ADAM8: variants seen among roughly 807,000 people sequenced by gnomAD.
ADAM8 encodes disintegrin and metalloproteinase domain-containing protein 8.
In ADAM8, 104 loss-of-function variants were observed where a neutral mutation model predicts 102.4. The ratio of observed to expected loss-of-function variants is 1.02; its 90% CI spans 0.87 to 1.20. ADAM8 has a LOEUF of 1.20. Ranked by LOEUF, ADAM8 falls within the 50% of genes most tolerant of loss-of-function variation. The pLI, the probability that ADAM8 is intolerant of heterozygous loss-of-function variation, is 0.00. For synonymous variants in ADAM8, 517 were observed against 485.2 expected (o/e 1.07, Z -0.86); for missense variants, 1,132 against 1,159.0 (o/e 0.98, Z 0.34).
At position 133,271,706 on chromosome 10, in the gene ADAM8, C is replaced by T. The variant is rs1175332544; in HGVS notation, c.1107-1G>A. On this transcript the variant is annotated splice_acceptor_variant, in intron 11 of 22. Transcript: ENST00000445355. LOFTEE classifies it high-confidence loss of function. Reference sequence around the variant, plus strand: ...ACTGAACATCCTGGGGAAACTGGAGCTGGGGAGGCGGGGCAGCATTGGGGG... The same window carrying T: ...ACTGAACATCCTGGGGAAACTGGAGTTGGGGAGGCGGGGCAGCATTGGGGG... The T allele has an allele frequency of 1.3e-6, 2 of 1,579,468 alleles. No homozygotes were observed. Among genetic ancestry groups the T allele is most frequent in the East Asian group, 4.7e-5 (2 of 42,906 alleles).
intron 21 of ADAM8, among the ~76,000 whole-genome samples, chr10:133,266,153 G>T (rs1846316052): frequency 6.6e-6 from 1 of 152,088 alleles, no homozygotes; most frequent in Non-Finnish European, 1.5e-5. Flanking sequence ...GAGGGACTCT[G>T]AAAACACTGC....
In ADAM8 at chr10:133,274,155, T is replaced by C. The variant is rs368864021; in HGVS notation, c.227+4A>G. On this transcript the variant is annotated splice_donor_region_variant and intron_variant, in intron 3 of 22. Coordinates refer to ENST00000445355, the MANE Select transcript of ADAM8 (RefSeq NM_001109.5). ...GCAGGGGGGCCGACCCGAGACCCAC[T>C]CACCTGTTCTTCCGCAGGTGGAGGG... is the stretch of plus-strand genomic sequence containing the variant. The C allele has an allele frequency of 1.3e-6, 2 of 1,583,752 alleles. No individual in the cohort carries two copies.
chr10:133,265,814 G>A (rs1462765717), intron 21 of ADAM8, among the ~76,000 whole-genome samples: 1 of 151,944 alleles, frequency 6.6e-6, no homozygotes, highest in Non-Finnish European at 1.5e-5. Context: ...AAAAAAGAGA[G>A]AAAATCACTA....
At chr10:133,274,831 G>A in intron 2 of ADAM8, 1 of 433,380 alleles carries the variant, frequency 2.3e-6, no homozygotes, top group East Asian at 8.1e-5. Context: ...CTGGACCACT[G>A]CATCTCCAGC....
In ADAM8 at chr10:133,273,006, G is replaced by A. The variant is rs748528621; in HGVS notation, c.587C>T (p.Ser196Phe). 1.2e-6 allele frequency: 2 copies of A among 1,612,818 alleles called. No individual in the cohort carries two copies. Among genetic ancestry groups the A allele is most frequent in the South Asian group, 2.2e-5 (2 of 91,086 alleles). The part of the protein sequence containing the change: ...FRPRPGDSLP[S>F]RETRYVELYV... Reference sequence around the variant, plus strand: ...CAGCTCCACGTAGCGGGTCTCTCGGGATGGCAGAGAGTCCTGGGGAACAGC... The same window carrying A: ...CAGCTCCACGTAGCGGGTCTCTCGGAATGGCAGAGAGTCCTGGGGAACAGC... The change falls in exon 7 of 23, where the codon TCC becomes TTC. Residue 196 changes from serine (S) to phenylalanine (F), a missense_variant. Coordinates refer to ENST00000445355, the MANE Select transcript of ADAM8 (RefSeq NM_001109.5).
At chr10:133,272,336 C>T (rs1846561302) in intron 9 of ADAM8, 62 bp from the exon 10 acceptor site, 3 of 1,429,166 alleles carry the variant, frequency 2.1e-6, no homozygotes, top group South Asian at 1.4e-5. Context: ...CCTCCCACCC[C>T]AGCCCTGCTC....
Position 133,274,127 on chromosome 10 carries a change from C to A in ADAM8, c.227+32G>T, listed in dbSNP as rs369431777. On this transcript the variant is annotated intron_variant, in intron 3 of 22. Coordinates refer to ENST00000445355, the MANE Select transcript of ADAM8 (RefSeq NM_001109.5). ...GACACCAGTGTGCTGGAGCCAGGCC[C>A]GGGCAGGGGGGCCGACCCGAGACCC... 7.0e-6 allele frequency: 11 copies of A among 1,582,160 alleles called. No homozygotes were observed. The Middle Eastern group carries it at 6.8e-4, about 97-fold the overall frequency.
intron 21 of ADAM8, chr10:133,264,004 A>C: frequency 2.8e-6 from 1 of 361,452 alleles, no homozygotes; most frequent in Non-Finnish European, 4.9e-6. Context: ...CCAGTACACC[A>C]TCCACATCCC....
Position 133,272,556 on chromosome 10 carries a change from G to A in ADAM8, c.735C>T (p.Val245=), listed in dbSNP as rs1219120271. ...KLYQKLNFRV[V]LVGLEIWNSQ... is the part of the protein sequence containing the mutation. ...TATTCCAAATCTCCAGGCCCACCAG[G>A]ACCACACGGAAGTTGAGTTTCTGAT... Residue 245 remains valine, a synonymous_variant, in exon 9 of 23, where the codon GTC becomes GTT. Transcript: ENST00000445355. The A allele has an allele frequency of 6.2e-7, 1 of 1,611,564 alleles. No individual in the cohort carries two copies. The highest frequency in any genetic ancestry group is 8.5e-7 in the Non-Finnish European group (1 of 1,179,608).
At chr10:133,267,248 C>A (rs538697086) in intron 21 of ADAM8, 104 bp downstream of exon 21, 130 of 1,287,906 alleles carry the variant, frequency 1.0e-4, no homozygotes, top group Non-Finnish European at 1.3e-4. Context: ...ACAGCAGGGG[C>A]CACCTGGGGA....
Position 133,272,830 on chromosome 10 carries a change from G to A in ADAM8, c.673C>T (p.Arg225Trp), listed in dbSNP as rs1237124330. 7 of 1,610,890 alleles carry A rather than the reference G, an allele frequency of 4.3e-6. No individual in the cohort carries two copies. Among genetic ancestry groups the A allele is most frequent in the African/African-American group, 2.7e-5 (2 of 74,618 alleles). The change falls in exon 8 of 23, where the codon CGG (arginine) becomes TGG (tryptophan). Residue 225 changes from arginine to tryptophan, a missense_variant. Transcript: ENST00000445355. The part of the protein sequence containing the change: ...MLGSEAAVRH[R>W]VLEVVNHVDK... ...ACGTGATTCACCACCTCCAGCACCC[G>A]ATGACGCACGGCTGCTTCGCTCCCC...
At chr10:133,267,150 A>G (rs1204550133) in intron 21 of ADAM8, among the ~76,000 whole-genome samples, 3 of 152,170 alleles carry the variant, frequency 2.0e-5, no homozygotes, top group African/African-American at 7.2e-5. Context: ...AACGCAGGGC[A>G]GGACTGAGCT....
chr10:133,272,495 C>T lies in ADAM8; in HGVS notation c.796G>A (p.Val266Ile). The T allele has an allele frequency of 6.2e-7, 1 of 1,612,276 alleles. No individual in the cohort carries two copies. The highest frequency in any genetic ancestry group is 8.5e-7 in the Non-Finnish European group (1 of 1,179,886). ...CAGGTCAGGAGGTTCTCCAGTGTGA[C>T]ACTGGGGTCGGGGCTGACGTGGAAC... ...DRFHVSPDPSVTLENLLTWQA... is the reference protein window; with the variant it reads ...DRFHVSPDPSITLENLLTWQA... The change falls in exon 9 of 23, where the codon GTC becomes ATC. Residue 266 changes from valine (V) to isoleucine (I), a missense_variant. Physicochemically the swap from Val to Ile is conservative, Grantham distance 29. Coordinates refer to ENST00000445355, the MANE Select transcript of ADAM8 (RefSeq NM_001109.5).
At chr10:133,274,126 C>T (rs758645466) in intron 3 of ADAM8, 33 bp downstream of exon 3, 4 of 1,583,418 alleles carry the variant, frequency 2.5e-6, no homozygotes, top group Non-Finnish European at 3.4e-6. Flanking sequence ...GGAGCCAGGC[C>T]CGGGCAGGGG....
chr10:133,269,913 T>C lies in ADAM8; in HGVS notation c.1847A>G (p.Gln616Arg). ...CACACATACCCCATGGTTGTGGCAC[T>C]GGGCAGAGCAGTTGCTGGATCTGTA... ...HVYRSSNCSAQCHNHGVCNHK... is the reference protein window; with the variant it reads ...HVYRSSNCSARCHNHGVCNHK... The change falls in exon 17 of 23, where the codon CAG becomes CGG. Residue 616 changes from glutamine (Q) to arginine (R), a missense_variant. Physicochemically the swap from Gln to Arg is conservative, Grantham distance 43. Coordinates refer to ENST00000445355, the MANE Select transcript of ADAM8 (RefSeq NM_001109.5). The C allele has an allele frequency of 1.2e-6, 2 of 1,612,776 alleles. No individual in the cohort carries two copies. The highest frequency in any genetic ancestry group is 1.7e-6 in the Non-Finnish European group (2 of 1,179,954).
At chr10:133,263,794 G>A (rs776517688) in intron 21 of ADAM8, 29 bp from the exon 22 acceptor site, 51 of 1,498,922 alleles carry the variant, frequency 3.4e-5, no homozygotes, top group Admixed American at 1.1e-4. Context: ...AGCTGACATG[G>A]GTCCCCCAGG....
rs372706740 is a variant in ADAM8, at chr10:133,264,773, A to G, written c.2320-1008T>C. On this transcript the variant is annotated intron_variant, in intron 21 of 22. Coordinates refer to ENST00000445355, the MANE Select transcript of ADAM8 (RefSeq NM_001109.5). ...CGGCTCTTGCTGCAGCCTCTGCCGC[A>G]TCTACCTCCATGCCTGGTTCCTGCT... Among the ~76,000 whole-genome samples, 175 of 145,926 alleles carry G rather than the reference A, an allele frequency of 1.2e-3. 6 individuals carry two copies. The East Asian group carries it at 0.03, about 25-fold the overall frequency.
Position 133,276,846 on chromosome 10 carries a change from G to C in ADAM8, c.-29C>G. On this transcript the variant is annotated 5_prime_UTR_variant, in exon 1 of 23. Coordinates refer to ENST00000445355, the MANE Select transcript of ADAM8 (RefSeq NM_001109.5). ...CGGGTCGGGGAGCAGAGGCGGAGGT[G>C]ACAGCCCCGCGGGACACGGTCTGGT... 3 of 1,515,400 alleles carry C rather than the reference G, an allele frequency of 2.0e-6. No individual in the cohort carries two copies. The highest frequency in any genetic ancestry group is 2.6e-6 in the Non-Finnish European group (3 of 1,135,940). The allele number at this position is 1,515,400 out of a possible 1,614,324, so 93.9% of individuals were successfully genotyped here.
Position 133,269,980 on chromosome 10 carries a change from G to A in ADAM8, c.1786-6C>T, listed in dbSNP as rs763782962. On this transcript the variant is annotated splice_region_variant and splice_polypyrimidine_tract_variant and intron_variant, in intron 16 of 22. Transcript: ENST00000445355. ...CAACGTCCTTTCCAGCAAACCTGGG[G>A]GTAGGAGGCGTCTCTCAGGCAGCCG... 74 of 1,612,478 alleles carry A rather than the reference G, an allele frequency of 4.6e-5. 1 individual carries two copies. The Middle Eastern group carries it at 6.6e-4, about 14-fold the overall frequency.
Sources: gnomAD v4.1 joint callset for allele counts (sites outside exome capture counted in the v4.1 genomes callset) on GRCh38, gnomAD v4.1.1 for gene constraint, MANE v1.5 for transcripts, NCBI Gene and HGNC (gene_info 2026-07-23, HGNC 2026-07-21) for gene names.